The following ASB5 variants were observed in gnomAD, a reference collection of about 807,000 sequenced individuals.
The protein encoded by ASB5 is ankyrin repeat and SOCS box containing 5.
Under a neutral mutation model 42.1 loss-of-function variants are expected in ASB5, and 45 were observed. The ratio of observed to expected loss-of-function variants is 1.07; its 90% CI spans 0.84 to 1.37. ASB5 has a LOEUF of 1.37. Among genes scored for constraint, ASB5 ranks in the 40% most tolerant of loss-of-function variants. The pLI is 0.00. For missense variants in ASB5, 402 were observed against 399.8 expected, an observed-to-expected ratio of 1.01 and a Z score of -0.05; for synonymous variants, 147 against 150.6, an observed-to-expected ratio of 0.98 and a Z score of 0.18.
At chr4:176,227,369 T>A (rs58972724) in intron 1 of ASB5, among the ~76,000 whole-genome samples, 42,384 of 152,100 alleles carry the variant, frequency 0.28, 6,090 homozygotes, top group East Asian at 0.45. Flanking sequence ...GATTTGTATT[T>A]CTGAGAAAAT....
At chr4:176,241,563 C>A (rs189539008) in intron 1 of ASB5, 18 of 1,516,918 alleles carry the variant, frequency 1.2e-5, no homozygotes, top group South Asian at 1.1e-4. Context: ...CAAGGCCGTG[C>A]CCTCATACAA....
intron 2 of ASB5, among the ~76,000 whole-genome samples, chr4:176,223,429 T>C (rs1753280768): frequency 1.3e-5 from 2 of 152,228 alleles, no homozygotes; most frequent in Non-Finnish European, 2.9e-5. Context: ...TTTTTCACTG[T>C]ATTCCAATCA....
intron 1 of ASB5, among the ~76,000 whole-genome samples, chr4:176,239,456 C>T (rs748324820): frequency 6.6e-6 from 1 of 151,982 alleles, no homozygotes; most frequent in South Asian, 2.1e-4. Flanking sequence ...AGTATTGTGA[C>T]AATTTTTGTT....
At chr4:176,254,875 T>C (rs1329718134) in intron 1 of ASB5, among the ~76,000 whole-genome samples, 2 of 152,198 alleles carry the variant, frequency 1.3e-5, no homozygotes, top group Non-Finnish European at 2.9e-5. Flanking sequence ...CTCATGCCTG[T>C]AATCCCAGCA....
At chr4:176,225,480 G>T in intron 1 of ASB5, 139 bp from the exon 2 acceptor site, 1 of 650,498 alleles carries the variant, frequency 1.5e-6, no homozygotes, top group Non-Finnish European at 2.6e-6. Flanking sequence ...TACTTATACT[G>T]TACATTAGGA....
At chr4:176,238,013 G>C (rs1485973686) in intron 1 of ASB5, among the ~76,000 whole-genome samples, 3 of 152,096 alleles carry the variant, frequency 2.0e-5, no homozygotes, top group Admixed American at 6.6e-5. Context: ...CCTGAGGTCA[G>C]GGGTTAGAGA....
chr4:176,228,117 TC>T (rs536033794), intron 1 of ASB5, among the ~76,000 whole-genome samples: 3 of 152,358 alleles, frequency 2.0e-5, no homozygotes, highest in Admixed American at 6.5e-5. Flanking sequence ...TTTAGCAAGA[TC>T]TTTTTAATTT....
At chr4:176,223,125 G>T (rs1040725624) in intron 2 of ASB5, among the ~76,000 whole-genome samples, 2 of 152,140 alleles carry the variant, frequency 1.3e-5, no homozygotes, top group South Asian at 4.1e-4. Flanking sequence ...CCAAGAATGG[G>T]AGAAAAATAC....
chr4:176,238,208 A>C (rs1471821146), intron 1 of ASB5, among the ~76,000 whole-genome samples: 20 of 48,652 alleles, frequency 4.1e-4, no homozygotes, highest in African/African-American at 1.4e-3. Flanking sequence ...CTCCGTCTCA[A>C]AAAAAAAAAA....
At chr4:176,273,916 T>C (rs1754519311), upstream of ASB5, among the ~76,000 whole-genome samples, 1 of 152,242 alleles carries the variant, frequency 6.6e-6, no homozygotes, top group South Asian at 2.1e-4. Flanking sequence ...GTTTTTTGTT[T>C]TCTTATAAAC....
intron 1 of ASB5, among the ~76,000 whole-genome samples, chr4:176,235,973 C>A (rs1753674189): frequency 6.6e-6 from 1 of 151,990 alleles, no homozygotes; most frequent in African/African-American, 2.4e-5. Flanking sequence ...CCTCAGCCTT[C>A]TGAGTCACTG....
At chr4:176,273,701 T>C (rs1022923814), upstream of ASB5, among the ~76,000 whole-genome samples, 99 of 152,200 alleles carry the variant, frequency 6.5e-4, no homozygotes, top group African/African-American at 2.3e-3. Flanking sequence ...AAACATCACA[T>C]ATTGAGATCT....
chr4:176,239,899 C>T (rs1753774696), intron 1 of ASB5, among the ~76,000 whole-genome samples: 2 of 152,042 alleles, frequency 1.3e-5, no homozygotes, highest in South Asian at 2.1e-4. Flanking sequence ...AAAAATGACT[C>T]CATGGAATTG....
chr4:176,250,076 AAAAAAG>A (rs1270758438), intron 1 of ASB5, among the ~76,000 whole-genome samples: 69 of 145,510 alleles, frequency 4.7e-4, no homozygotes, highest in Non-Finnish European at 7.2e-4. Flanking sequence ...AAAAAAAAAA[AAAAAAG>A]AAAAAGAAAA....
At chr4:176,271,247 T>A (rs1754464099), upstream of ASB5, among the ~76,000 whole-genome samples, 1 of 152,178 alleles carries the variant, frequency 6.6e-6, no homozygotes, top group South Asian at 2.1e-4. Flanking sequence ...AATTACTAAA[T>A]AAAAATTAAG....
At chr4:176,233,566 C>T (rs746053802) in intron 1 of ASB5, among the ~76,000 whole-genome samples, 5 of 152,122 alleles carry the variant, frequency 3.3e-5, no homozygotes, top group Admixed American at 1.3e-4. Flanking sequence ...CAAATTTAAC[C>T]GCAATAATTG....
intron 1 of ASB5, among the ~76,000 whole-genome samples, chr4:176,236,558 A>G (rs983992501): frequency 6.6e-5 from 10 of 152,238 alleles, no homozygotes; most frequent in Non-Finnish European, 1.3e-4. Context: ...AAACTTTGAA[A>G]GAAATTATAG....
At chr4:176,229,796 T>C (rs193138899) in intron 1 of ASB5, among the ~76,000 whole-genome samples, 13 of 152,220 alleles carry the variant, frequency 8.5e-5, no homozygotes, top group Admixed American at 2.6e-4. Context: ...GAGTTTTGAA[T>C]GTTGGATGAG....
intron 1 of ASB5, among the ~76,000 whole-genome samples, chr4:176,231,159 A>G (rs572478134): frequency 2.0e-5 from 3 of 152,244 alleles, no homozygotes; most frequent in African/African-American, 7.2e-5. Context: ...GTTTGATACC[A>G]TACCTAAATC....
Sources: allele counts gnomAD v4.1 joint callset (sites outside exome capture counted in the v4.1 genomes callset), GRCh38; gene constraint gnomAD v4.1.1; transcripts MANE v1.5; gene names NCBI Gene and HGNC (gene_info 2026-07-23, HGNC 2026-07-21).